RTL4: variants seen among roughly 807,000 people sequenced by gnomAD.
The protein encoded by RTL4 is retrotransposon Gag-like protein 4.
A neutral mutation model predicts 5.3 loss-of-function variants in RTL4; 4 were observed. That is an observed-to-expected ratio of 0.75 (90% CI 0.37 to 1.72). The LOEUF is 1.72. Ranked by LOEUF, RTL4 falls within the 40% of genes most tolerant of loss-of-function variation. The pLI, the probability that RTL4 is intolerant of heterozygous loss-of-function variation, is 0.04. For missense variants in RTL4, 260 were observed against 227.1 expected, an observed-to-expected ratio of 1.14 and a Z score of -0.93; for synonymous variants, 98 against 87.3, an observed-to-expected ratio of 1.12 and a Z score of -0.68.
chrX:112,217,746 A>G, the RTL4 span, among the ~76,000 whole-genome samples: 2 of 111,801 alleles, frequency 1.8e-5, no homozygotes, highest in Non-Finnish European at 3.8e-5. Context: ...GTTGGCCTTA[A>G]AGGATCCTAG....
chrX:112,308,616 C>G, the RTL4 span, among the ~76,000 whole-genome samples: 1 of 111,743 alleles, frequency 8.9e-6, no homozygotes, highest in Non-Finnish European at 1.9e-5. Flanking sequence ...GGTCAGATTT[C>G]TCCATTTAGG....
chrX:112,325,994 A>G, the RTL4 span, among the ~76,000 whole-genome samples: 1 of 112,364 alleles, frequency 8.9e-6, no homozygotes, highest in South Asian at 3.7e-4. Flanking sequence ...AAGGACATGA[A>G]CAGACACTTC....
the RTL4 span, among the ~76,000 whole-genome samples, chrX:112,321,275 T>C: frequency 8.0e-5 from 9 of 111,968 alleles, no homozygotes; most frequent in East Asian, 2.5e-3. Context: ...AGGTGGCTCA[T>C]ACCTGTAATC....
At chrX:112,449,800 T>C (rs1333051451), upstream of RTL4, among the ~76,000 whole-genome samples, 1 of 111,750 alleles carries the variant, frequency 8.9e-6, no homozygotes, top group Non-Finnish European at 1.9e-5. Flanking sequence ...GAATCAGAAT[T>C]TTGTATGTGT....
the RTL4 span, among the ~76,000 whole-genome samples, chrX:112,327,948 G>A: frequency 9.3e-5 from 10 of 107,965 alleles, no homozygotes; most frequent in East Asian, 2.9e-3. Context: ...TTACAGACAA[G>A]CAAATGCTGA....
At chrX:112,347,977 T>A in the RTL4 span, among the ~76,000 whole-genome samples, 4 of 111,770 alleles carry the variant, frequency 3.6e-5, no homozygotes, top group Non-Finnish European at 7.5e-5. Context: ...TACAGTCTCA[T>A]AAACTAAATG....
chrX:112,230,024 C>T, the RTL4 span, among the ~76,000 whole-genome samples: 1 of 112,419 alleles, frequency 8.9e-6, no homozygotes. Flanking sequence ...TCTCCAGCTG[C>T]GTGCTGGGAG....
At chrX:112,421,262 TAAAG>T in the RTL4 span, among the ~76,000 whole-genome samples, 6 of 111,572 alleles carry the variant, frequency 5.4e-5, no homozygotes, top group Non-Finnish European at 1.1e-4. Flanking sequence ...TAGGCTACCA[TAAAG>T]AAAAATTGTG....
At chrX:112,438,534 G>A in the RTL4 span, among the ~76,000 whole-genome samples, 3 of 112,625 alleles carry the variant, frequency 2.7e-5, no homozygotes, top group East Asian at 2.8e-4. Flanking sequence ...TTGATCGTAC[G>A]CAGTGAGACT....
At chrX:112,422,030 A>G in the RTL4 span, among the ~76,000 whole-genome samples, 2 of 111,967 alleles carry the variant, frequency 1.8e-5, no homozygotes, top group Non-Finnish European at 3.8e-5. Context: ...CTGAGAATCA[A>G]TTTTGTCCAA....
the RTL4 span, among the ~76,000 whole-genome samples, chrX:112,136,109 T>G: frequency 4.2e-4 from 47 of 110,815 alleles, no homozygotes; most frequent in Middle Eastern, 4.8e-3. Flanking sequence ...TGGGATTATT[T>G]TCTTCATTTC....
At chrX:112,235,875 C>T in the RTL4 span, among the ~76,000 whole-genome samples, 1 of 111,223 alleles carries the variant, frequency 9.0e-6, no homozygotes, top group African/African-American at 3.3e-5. Flanking sequence ...ATCTCAGCTC[C>T]CAAGAATACT....
At chrX:112,092,931 G>A in the RTL4 span, among the ~76,000 whole-genome samples, 840 of 111,124 alleles carry the variant, frequency 7.6e-3, 9 homozygotes, top group African/African-American at 0.026. Flanking sequence ...TATCAGCAGC[G>A]TGAAAATGGA....
At chrX:112,347,722 C>G in the RTL4 span, among the ~76,000 whole-genome samples, 4 of 111,484 alleles carry the variant, frequency 3.6e-5, no homozygotes, top group African/African-American at 1.3e-4. Context: ...AATCAACCAT[C>G]AAATAAAAAG....
chrX:112,214,896 C>T, the RTL4 span, among the ~76,000 whole-genome samples: 1 of 110,151 alleles, frequency 9.1e-6, no homozygotes, highest in Non-Finnish European at 1.9e-5. Context: ...TCATGCCATT[C>T]TCCTGCCTCA....
chrX:112,239,596 T>C, the RTL4 span, among the ~76,000 whole-genome samples: 1 of 111,382 alleles, frequency 9.0e-6, no homozygotes, highest in Non-Finnish European at 1.9e-5. Flanking sequence ...TTTTATCCCC[T>C]ATCCTCAGTG....
the RTL4 span, among the ~76,000 whole-genome samples, chrX:112,238,916 G>C: frequency 8.9e-6 from 1 of 111,871 alleles, no homozygotes. Context: ...GTGGAGCCAA[G>C]CACTGAAGCA....
the RTL4 span, among the ~76,000 whole-genome samples, chrX:112,095,944 A>T: frequency 1.8e-5 from 2 of 111,834 alleles, no homozygotes; most frequent in African/African-American, 6.5e-5. Context: ...GAAGATAGAG[A>T]TGGTGGAGTG....
chrX:112,443,882 C>A, the RTL4 span, among the ~76,000 whole-genome samples: 8 of 111,442 alleles, frequency 7.2e-5, no homozygotes, highest in Non-Finnish European at 1.3e-4. Context: ...TTATCCCATT[C>A]TGTGGGTTGT....
Sources: allele counts gnomAD v4.1 joint callset (sites outside exome capture counted in the v4.1 genomes callset), GRCh38; gene constraint gnomAD v4.1.1; transcripts MANE v1.5; gene names NCBI Gene and HGNC (gene_info 2026-07-23, HGNC 2026-07-21).